PCDHGA5: variants seen among roughly 807,000 people sequenced by gnomAD.
PCDHGA5 encodes the protein protocadherin gamma subfamily A, 5.
PCDHGA5 carries 36 observed loss-of-function variants against 56.7 expected under a neutral mutation model. That is an observed-to-expected ratio of 0.64 (90% CI 0.49 to 0.84). PCDHGA5 has a LOEUF of 0.84. Ranked by LOEUF, PCDHGA5 falls within the 40% of genes least tolerant of loss-of-function variation. The probability of loss-of-function intolerance (pLI) is 0.00; values close to 1 mark genes in which losing one functional copy is unlikely to be tolerated. For missense variants in PCDHGA5, 1,305 were observed against 1,201.5 expected (o/e 1.09, Z -1.27); for synonymous variants, 563 against 520.2 (o/e 1.08, Z -1.12).
At chr5:141,409,021 C>T in intron 1 of PCDHGA5, 4 of 1,613,972 alleles carry the variant, frequency 2.5e-6, no homozygotes, top group Non-Finnish European at 3.4e-6. Context: ...ATGAGGGGGT[C>T]AATGCTGAGA....
intron 1 of PCDHGA5, among the ~76,000 whole-genome samples, chr5:141,430,366 A>G (rs551419486): frequency 3.3e-5 from 5 of 150,370 alleles, no homozygotes; most frequent in Admixed American, 6.7e-5. Context: ...CTCATTGGGG[A>G]AAAAAAAGCT....
chr5:141,387,144 G>C (rs2090840258), intron 1 of PCDHGA5, among the ~76,000 whole-genome samples: 1 of 152,168 alleles, frequency 6.6e-6, no homozygotes, highest in Admixed American at 6.5e-5. Context: ...ATTGGGAAGG[G>C]GGTGTATTTG....
rs1328089059 is a variant in PCDHGA5, at chr5:141,478,532, G to A, written c.2422-16275G>A. 4.4e-6 allele frequency: 7 copies of A among 1,607,742 alleles called. No homozygotes were observed. The East Asian group carries it at 1.6e-4, about 36-fold the overall frequency. On this transcript the variant is annotated intron_variant, in intron 1 of 3. Coordinates refer to ENST00000518069, the MANE Select transcript of PCDHGA5 (RefSeq NM_018918.3). Reference sequence around the variant, plus strand: ...TAGGCAGGTGTTGGGTGCAGAGAGCGCCCCTCCCGGACAGGTAAGGTTTAG... The same window carrying A: ...TAGGCAGGTGTTGGGTGCAGAGAGCACCCCTCCCGGACAGGTAAGGTTTAG...
chr5:141,408,184 G>A, intron 1 of PCDHGA5: 1 of 1,541,100 alleles, frequency 6.5e-7, no homozygotes, highest in Non-Finnish European at 8.8e-7. Flanking sequence ...CGGGGACCCA[G>A]CGAGAACCCG....
intron 1 of PCDHGA5, chr5:141,433,359 CT>C: frequency 8.7e-6 from 2 of 228,708 alleles, no homozygotes; most frequent in Non-Finnish European, 1.6e-5. Context: ...TACTGTCTGC[CT>C]ATCTATCTAT....
intron 1 of PCDHGA5, among the ~76,000 whole-genome samples, chr5:141,458,988 C>G (rs996478276): frequency 6.6e-6 from 1 of 152,208 alleles, no homozygotes; most frequent in African/African-American, 2.4e-5. Flanking sequence ...CTGCCTCACC[C>G]TCCCAAAGTG....
Position 141,403,252 on chromosome 5 carries a change from G to A in PCDHGA5, c.2421+36501G>A, listed in dbSNP as rs180687908. 8.6e-4 allele frequency: 1,389 copies of A among 1,613,900 alleles called. 2 individuals carry two copies. Among genetic ancestry groups the A allele is most frequent in the Non-Finnish European group, 1.1e-3 (1,338 of 1,179,904 alleles). On this transcript the variant is annotated intron_variant, in intron 1 of 3. Transcript: ENST00000518069. Reference sequence around the variant, plus strand: ...GGGAGGAGCTCTGTGCTCAGAGCCCGCGGTGTCTGGTGAACTTTAAAGTCC... The same window carrying A: ...GGGAGGAGCTCTGTGCTCAGAGCCCACGGTGTCTGGTGAACTTTAAAGTCC...
chr5:141,455,159 G>GTT (rs1390145608), intron 1 of PCDHGA5, among the ~76,000 whole-genome samples: 4 of 144,860 alleles, frequency 2.8e-5, no homozygotes, highest in African/African-American at 7.8e-5. Context: ...TTAGTTTGTT[G>GTT]GTTTTTTTTT....
Position 141,491,680 on chromosome 5 carries a change from A to G in PCDHGA5, c.2422-3127A>G. The G allele has an allele frequency of 6.2e-7, 1 of 1,613,304 alleles. No individual in the cohort carries two copies. The highest frequency in any genetic ancestry group is 2.2e-5 in the East Asian group (1 of 44,820). ...TGACGCCATCCGGTCCCGCTCTAATACGCTGCGGGAGCGGAGCCAGGTGAG... is the reference window on the plus strand; with the variant it reads ...TGACGCCATCCGGTCCCGCTCTAATGCGCTGCGGGAGCGGAGCCAGGTGAG... On this transcript the variant is annotated intron_variant, in intron 1 of 3. Transcript: ENST00000518069. The surrounding 1 kb of genome is among the most constrained non-coding windows in gnomAD (Gnocchi z 6.9).
intron 1 of PCDHGA5, among the ~76,000 whole-genome samples, chr5:141,479,914 G>T (rs2099509746): frequency 6.6e-6 from 1 of 152,148 alleles, no homozygotes; most frequent in South Asian, 2.1e-4. Context: ...CTGTTATTTT[G>T]TTACTCAGTG....
chr5:141,401,546 ATGCTATT>A (rs1372970930), intron 1 of PCDHGA5, among the ~76,000 whole-genome samples: 1 of 152,214 alleles, frequency 6.6e-6, no homozygotes, highest in African/African-American at 2.4e-5. Context: ...AAAAAAGGAA[ATGCTATT>A]GCCTGAATTT....
In PCDHGA5 at chr5:141,477,891, G is replaced by T. The variant is rs750359063; in HGVS notation, c.2422-16916G>T. 10 of 1,614,066 alleles carry T rather than the reference G, an allele frequency of 6.2e-6. No individual in the cohort carries two copies. The African/African-American group carries it at 1.2e-4, about 19-fold the overall frequency. ...ACCTCAGCTGGCCACCTAGTGTCAC[G>T]GGTGGTAGGCTGGGACGCGGATGCA... is the stretch of plus-strand genomic sequence containing the variant. On this transcript the variant is annotated intron_variant, in intron 1 of 3. Coordinates refer to ENST00000518069, the MANE Select transcript of PCDHGA5 (RefSeq NM_018918.3). This position sits in a 1 kb window ranked among gnomAD's most constrained non-coding sequence, Gnocchi z 4.9.
intron 1 of PCDHGA5, chr5:141,393,857 C>G (rs753457502): frequency 6.8e-6 from 11 of 1,613,978 alleles, no homozygotes; most frequent in Non-Finnish European, 9.3e-6. Flanking sequence ...CAGAAGTGAT[C>G]ATTACGTCTT....
chr5:141,405,090 C>A, intron 1 of PCDHGA5: 1 of 1,613,950 alleles, frequency 6.2e-7, no homozygotes, highest in Non-Finnish European at 8.5e-7. Flanking sequence ...ACGCTGCTGG[C>A]CCTCAGGCTG....
At chr5:141,410,404 G>A (rs79498912) in intron 1 of PCDHGA5, 32,650 of 1,614,014 alleles carry the variant, frequency 0.02, 588 homozygotes, top group African/African-American at 0.088. Context: ...TCTGTGTCAA[G>A]TCTGGACCTG....
chr5:141,503,910 G>A (rs1311674998), intron 2 of PCDHGA5, among the ~76,000 whole-genome samples: 1 of 152,062 alleles, frequency 6.6e-6, no homozygotes, highest in Admixed American at 6.6e-5. Flanking sequence ...CACACACAAC[G>A]CAACACACAC....
At position 141,511,420 on chromosome 5, in the gene PCDHGA5, G is replaced by A; in HGVS notation, c.*247G>A. On this transcript the variant is annotated 3_prime_UTR_variant, in exon 4 of 4. Coordinates refer to ENST00000518069, the MANE Select transcript of PCDHGA5 (RefSeq NM_018918.3). ...TCCAATCAACTGCTGTACCCATGGG[G>A]GTAGTGGGGTTACTGTAGACACCAA... 2.4e-6 allele frequency: 2 copies of A among 830,862 alleles called. No individual in the cohort carries two copies. Among genetic ancestry groups the A allele is most frequent in the Non-Finnish European group, 1.8e-6 (1 of 557,336 alleles). The allele number at this position is 830,862 out of a possible 1,614,324, so 51.5% of individuals were successfully genotyped here.
At chr5:141,368,370 TA>T (rs1332977748) in intron 1 of PCDHGA5, among the ~76,000 whole-genome samples, 7 of 152,116 alleles carry the variant, frequency 4.6e-5, no homozygotes, top group African/African-American at 7.2e-5. Flanking sequence ...TACACACATA[TA>T]TATACACACA....
intron 1 of PCDHGA5, chr5:141,382,845 C>T: frequency 6.8e-7 from 1 of 1,475,804 alleles, no homozygotes; most frequent in African/African-American, 1.4e-5. Context: ...CGGATACACC[C>T]GCATTCTGAA....
Sources: allele counts gnomAD v4.1 joint callset (sites outside exome capture counted in the v4.1 genomes callset), GRCh38; gene constraint gnomAD v4.1.1; non-coding constraint Gnocchi (gnomAD v3.1); transcripts MANE v1.5; gene names NCBI Gene and HGNC (gene_info 2026-07-23, HGNC 2026-07-21).